PRKACB: variants seen among roughly 807,000 people sequenced by gnomAD.
The protein encoded by PRKACB is cAMP-dependent protein kinase catalytic subunit beta.
PRKACB carries 16 observed loss-of-function variants against 51.4 expected under a neutral mutation model. That is an observed-to-expected ratio of 0.31 (90% CI 0.21 to 0.47). PRKACB has a LOEUF of 0.47. Ranked by LOEUF, PRKACB falls within the 20% of genes least tolerant of loss-of-function variation. PRKACB has a pLI of 1.00. For synonymous variants in PRKACB, 147 were observed against 154.4 expected (o/e 0.95, Z 0.35); for missense variants, 309 against 464.5 (o/e 0.67, Z 3.08).
intron 1 of PRKACB, among the ~76,000 whole-genome samples, chr1:84,093,566 AT>A (rs1247798368): frequency 1.3e-5 from 2 of 151,916 alleles, no homozygotes; most frequent in Non-Finnish European, 2.9e-5. Flanking sequence ...AAAACTTCAT[AT>A]TTTACAAAAA....
At chr1:84,171,032 A>G (rs1284817711) in intron 1 of PRKACB, among the ~76,000 whole-genome samples, 2 of 151,612 alleles carry the variant, frequency 1.3e-5, no homozygotes, top group Non-Finnish European at 3.0e-5. Flanking sequence ...CCACAAGGCA[A>G]TTAAGTTCAA....
At position 84,237,052 on chromosome 1, in the gene PRKACB, C is replaced by T. The variant is rs1676722729; in HGVS notation, c.*1747C>T. 1 of 152,118 alleles carries T rather than the reference C, an allele frequency of 6.6e-6. No homozygotes were observed. Among genetic ancestry groups the T allele is most frequent in the Non-Finnish European group, 1.5e-5 (1 of 67,996 alleles). The allele number at this position is 152,118 out of a possible 1,614,324, so 9.4% of individuals were successfully genotyped here. ...AACCTGTCTGAGATGTTCTTTCTAC[C>T]AATCTATATGTCTTTCGGTTATCAA... On this transcript the variant is annotated 3_prime_UTR_variant, in exon 10 of 10. Coordinates refer to ENST00000370685, the MANE Select transcript of PRKACB (RefSeq NM_182948.4).
At chr1:84,113,418 G>T (rs1650390339) in intron 1 of PRKACB, among the ~76,000 whole-genome samples, 1 of 152,182 alleles carries the variant, frequency 6.6e-6, no homozygotes, top group Non-Finnish European at 1.5e-5. Context: ...GACATTGCTG[G>T]TGGAAATATA....
At chr1:84,116,862 T>C (rs1650678239) in intron 1 of PRKACB, among the ~76,000 whole-genome samples, 1 of 152,114 alleles carries the variant, frequency 6.6e-6, no homozygotes, top group Admixed American at 6.6e-5. Context: ...TGTCGAATAA[T>C]AGTAGTTAAA....
At chr1:84,104,167 T>C (rs544031180) in intron 1 of PRKACB, among the ~76,000 whole-genome samples, 2 of 152,140 alleles carry the variant, frequency 1.3e-5, no homozygotes, top group Non-Finnish European at 2.9e-5. Flanking sequence ...ACCACAATTC[T>C]CCTATCTACT....
chr1:84,141,176 G>T (rs1325553753), upstream of PRKACB, among the ~76,000 whole-genome samples: 2 of 151,758 alleles, frequency 1.3e-5, no homozygotes, highest in Non-Finnish European at 2.9e-5. Flanking sequence ...TTACTCTCTA[G>T]TTTTAAAATC....
chr1:84,211,830 C>T (rs967047951), intron 8 of PRKACB, among the ~76,000 whole-genome samples: 1 of 152,010 alleles, frequency 6.6e-6, no homozygotes, highest in African/African-American at 2.4e-5. Flanking sequence ...TAGCATAATG[C>T]CTAGCTTCTA....
intron 1 of PRKACB, among the ~76,000 whole-genome samples, chr1:84,138,349 A>G (rs1653034217): frequency 6.6e-6 from 1 of 152,214 alleles, no homozygotes; most frequent in Non-Finnish European, 1.5e-5. Context: ...AATGTTGTAT[A>G]AATGCTACAG....
chr1:84,152,657 C>A (rs79055307), intron 1 of PRKACB, among the ~76,000 whole-genome samples: 1,624 of 152,256 alleles, frequency 0.011, 35 homozygotes, highest in African/African-American at 0.037. Flanking sequence ...CTGCTAGCTT[C>A]AGACTTCTGC....
chr1:84,180,183 G>GATATATATATATAT (rs3051182), intron 2 of PRKACB, among the ~76,000 whole-genome samples: 3,451 of 31,912 alleles, frequency 0.11, 840 homozygotes, highest in East Asian at 0.2. Context: ...AAGAAACTGT[G>GATATATATATATAT]ATATATATAT....
In PRKACB at chr1:84,202,703, T is replaced by C. The variant is rs1390511072; in HGVS notation, c.804T>C (p.Asp268=). The C allele has an allele frequency of 6.2e-7, 1 of 1,609,900 alleles. No individual in the cohort carries two copies. Among genetic ancestry groups the C allele is most frequent in the South Asian group, 1.1e-5 (1 of 90,626 alleles). ...ILSKGYNKAV[D]WWALGVLIYE... ...CTCAGGGCTACAATAAGGCAGTGGATTGGTGGGCATTAGGAGTGCTAATCT... is the reference window on the plus strand; with the variant it reads ...CTCAGGGCTACAATAAGGCAGTGGACTGGTGGGCATTAGGAGTGCTAATCT... Residue 268 remains aspartate, a synonymous_variant, in exon 8 of 10, where the codon GAT becomes GAC. Coordinates refer to ENST00000370685, the MANE Select transcript of PRKACB (RefSeq NM_182948.4).
chr1:84,086,299 T>C, intron 1 of PRKACB: 1 of 1,038,482 alleles, frequency 9.6e-7, no homozygotes, highest in African/African-American at 1.6e-5. Flanking sequence ...CCCTTCCTGC[T>C]GCCTCCCTCC....
chr1:84,208,750 C>T (rs1439270244), intron 8 of PRKACB, among the ~76,000 whole-genome samples: 1 of 152,162 alleles, frequency 6.6e-6, no homozygotes, highest in African/African-American at 2.4e-5. Flanking sequence ...GAATACTAGG[C>T]ATAATACAAG....
chr1:84,124,332 A>G (rs1045262531), intron 1 of PRKACB, among the ~76,000 whole-genome samples: 1 of 152,218 alleles, frequency 6.6e-6, no homozygotes, highest in African/African-American at 2.4e-5. Context: ...TCTTACATAA[A>G]TGGAACTTCT....
chr1:84,234,194 C>T (rs539239833), intron 9 of PRKACB, among the ~76,000 whole-genome samples: 1 of 152,348 alleles, frequency 6.6e-6, no homozygotes, highest in South Asian at 2.1e-4. Context: ...CAGTGTTCCC[C>T]TGCTGGGGGG....
intron 1 of PRKACB, among the ~76,000 whole-genome samples, chr1:84,166,801 A>G (rs1354274207): frequency 6.6e-6 from 1 of 151,658 alleles, no homozygotes; most frequent in East Asian, 1.9e-4. Context: ...TTTGCCAATT[A>G]AATGTTGGTT....
chr1:84,203,775 A>C (rs1670802763), intron 8 of PRKACB, among the ~76,000 whole-genome samples: 1 of 151,868 alleles, frequency 6.6e-6, no homozygotes, highest in Non-Finnish European at 1.5e-5. Flanking sequence ...CATTAGCCTG[A>C]GATGTTATAG....
At chr1:84,217,053 A>G (rs1036663074) in intron 9 of PRKACB, among the ~76,000 whole-genome samples, 10 of 152,216 alleles carry the variant, frequency 6.6e-5, no homozygotes, top group African/African-American at 1.9e-4. Flanking sequence ...TGAATCCCTG[A>G]TCAACCAATC....
intron 1 of PRKACB, among the ~76,000 whole-genome samples, chr1:84,169,554 A>G (rs1048330228): frequency 2.0e-5 from 3 of 151,846 alleles, no homozygotes; most frequent in African/African-American, 7.2e-5. Flanking sequence ...GAGGAAATGG[A>G]CAAGATAAAA....
Sources: gnomAD v4.1 joint callset for allele counts (sites outside exome capture counted in the v4.1 genomes callset) on GRCh38, gnomAD v4.1.1 for gene constraint, MANE v1.5 for transcripts, NCBI Gene and HGNC (gene_info 2026-07-23, HGNC 2026-07-21) for gene names.